CHRM3: variants seen among roughly 807,000 people sequenced by gnomAD.
The protein encoded by CHRM3 is cholinergic receptor muscarinic 3.
In CHRM3, 11 loss-of-function variants were observed where a neutral mutation model predicts 41.8. That is an observed-to-expected ratio of 0.26 (90% CI 0.17 to 0.44). The LOEUF is 0.44. Ranked by LOEUF, CHRM3 falls within the 20% of genes least tolerant of loss-of-function variation. The pLI is 1.00. For missense variants in CHRM3, 571 were observed against 745.4 expected (o/e 0.77, Z 2.72); for synonymous variants, 297 against 301.4 (o/e 0.99, Z 0.15).
chr1:239,644,100 T>C (rs575697123), intron 4 of CHRM3, among the ~76,000 whole-genome samples: 12 of 152,184 alleles, frequency 7.9e-5, no homozygotes, highest in Non-Finnish European at 1.5e-4. Context: ...GTAAGGCAAA[T>C]GATTTTGGAA....
intron 3 of CHRM3, among the ~76,000 whole-genome samples, chr1:239,578,297 T>G (rs1662560459): frequency 6.6e-6 from 1 of 152,176 alleles, no homozygotes; most frequent in Non-Finnish European, 1.5e-5. Flanking sequence ...TGGCACATTT[T>G]TGTATTTTAT....
intron 1 of CHRM3, among the ~76,000 whole-genome samples, chr1:239,444,605 C>G (rs1375919133): frequency 6.6e-6 from 1 of 151,794 alleles, no homozygotes; most frequent in Non-Finnish European, 1.5e-5. Flanking sequence ...GGAAGGGAAC[C>G]TGGGGAGGGG....
chr1:239,910,906 T>C lies in CHRM3; in HGVS notation c.*1682T>C, dbSNP rs1306177808. ...AAGTGTACTCAGTGGTGTCTGTGTA[T>C]CTGAACTATTTAATTTCGTGTTATG... is the stretch of plus-strand genomic sequence containing the variant. On this transcript the variant is annotated 3_prime_UTR_variant, in exon 7 of 7. Transcript: ENST00000676153. 1 of 167,068 alleles carries C rather than the reference T, an allele frequency of 6.0e-6. No homozygotes were observed. The highest frequency in any genetic ancestry group is 1.5e-5 in the Non-Finnish European group (1 of 68,122). 10.3% of individuals were successfully genotyped at this position (167,068 alleles called of 1,614,324 possible). A position where few individuals can be genotyped will look rare whatever the true frequency, so the allele number is the denominator to read the frequency against.
At chr1:239,862,877 A>G (rs1315809695) in intron 6 of CHRM3, among the ~76,000 whole-genome samples, 1 of 152,226 alleles carries the variant, frequency 6.6e-6, no homozygotes, top group Non-Finnish European at 1.5e-5. Flanking sequence ...AAACAATTAC[A>G]GTAGTTTTCT....
At chr1:239,456,478 C>T (rs1664943848) in intron 1 of CHRM3, among the ~76,000 whole-genome samples, 1 of 152,148 alleles carries the variant, frequency 6.6e-6, no homozygotes, top group African/African-American at 2.4e-5. Flanking sequence ...ACCATATAGC[C>T]TCAGTGTGTA....
At chr1:239,423,836 A>C (rs1171499128) in intron 1 of CHRM3, among the ~76,000 whole-genome samples, 1 of 152,056 alleles carries the variant, frequency 6.6e-6, no homozygotes, top group Non-Finnish European at 1.5e-5. Context: ...CGGGTGGATC[A>C]CGAGGTCAGG....
chr1:239,392,534 GAT>G (rs1558186087), intron 1 of CHRM3, among the ~76,000 whole-genome samples: 1 of 152,132 alleles, frequency 6.6e-6, no homozygotes, highest in African/African-American at 2.4e-5. Context: ...GTTCAGGCAG[GAT>G]ATCCGCCGAC....
chr1:239,647,080 T>A (rs1477482802), intron 4 of CHRM3, among the ~76,000 whole-genome samples: 1 of 152,238 alleles, frequency 6.6e-6, no homozygotes, highest in Non-Finnish European at 1.5e-5. Context: ...TTTGATTATT[T>A]GTCTTTCATA....
chr1:239,467,082 T>G (rs1364857876), intron 1 of CHRM3, among the ~76,000 whole-genome samples: 1 of 152,118 alleles, frequency 6.6e-6, no homozygotes, highest in Admixed American at 6.6e-5. Context: ...TATACTAAAT[T>G]TTTCTCTGGT....
At chr1:239,724,299 G>T (rs1663238614) in intron 5 of CHRM3, among the ~76,000 whole-genome samples, 1 of 151,906 alleles carries the variant, frequency 6.6e-6, no homozygotes, top group African/African-American at 2.4e-5. Context: ...TCATGGCAAA[G>T]CCCAAAACAG....
chr1:239,715,748 A>G (rs906882670), intron 5 of CHRM3, among the ~76,000 whole-genome samples: 3 of 152,154 alleles, frequency 2.0e-5, no homozygotes, highest in African/African-American at 7.2e-5. Flanking sequence ...TTAGGCTGGA[A>G]TCAGTTCATA....
At chr1:239,477,580 C>T (rs1341133410) in intron 1 of CHRM3, among the ~76,000 whole-genome samples, 1 of 152,144 alleles carries the variant, frequency 6.6e-6, no homozygotes, top group African/African-American at 2.4e-5. Context: ...CTTTAAATAT[C>T]TACATGACAG....
intron 5 of CHRM3, among the ~76,000 whole-genome samples, chr1:239,755,393 T>A (rs1008193294): frequency 5.9e-5 from 9 of 152,130 alleles, no homozygotes; most frequent in African/African-American, 1.9e-4. Context: ...AGCAATAAAG[T>A]TCCTGATTTT....
chr1:239,703,296 T>C (rs573723000), intron 5 of CHRM3: 1 of 152,330 alleles, frequency 6.6e-6, no homozygotes, highest in Admixed American at 6.5e-5. Flanking sequence ...GCTGTGTCTG[T>C]GGACAAAAAA....
intron 1 of CHRM3, among the ~76,000 whole-genome samples, chr1:239,470,838 C>T (rs1396795671): frequency 3.9e-5 from 6 of 152,146 alleles, no homozygotes; most frequent in Non-Finnish European, 7.4e-5. Context: ...ATTGCACCTT[C>T]CCAATAAAGT....
At chr1:239,739,869 G>A (rs1291404954) in intron 5 of CHRM3, among the ~76,000 whole-genome samples, 1 of 152,108 alleles carries the variant, frequency 6.6e-6, no homozygotes, top group Non-Finnish European at 1.5e-5. Flanking sequence ...CACATCTGGA[G>A]GCCAGTTGAC....
intron 4 of CHRM3, among the ~76,000 whole-genome samples, chr1:239,658,918 TA>T (rs777899934): frequency 1.3e-5 from 2 of 152,086 alleles, no homozygotes; most frequent in Non-Finnish European, 2.9e-5. Flanking sequence ...TTTGTATTTT[TA>T]GTAGAGACGG....
intron 3 of CHRM3, among the ~76,000 whole-genome samples, chr1:239,547,900 TA>T (rs1283992821): frequency 6.6e-6 from 1 of 152,152 alleles, no homozygotes; most frequent in Non-Finnish European, 1.5e-5. Flanking sequence ...AGTGGTTTAT[TA>T]GGCCGATCAA....
chr1:239,521,662 T>C (rs138690404), intron 2 of CHRM3, among the ~76,000 whole-genome samples: 83 of 152,334 alleles, frequency 5.4e-4, no homozygotes, highest in African/African-American at 1.9e-3. Context: ...TTTCATTGCA[T>C]AATTGGATGT....
Sources: gnomAD v4.1 joint callset for allele counts (sites outside exome capture counted in the v4.1 genomes callset) on GRCh38, gnomAD v4.1.1 for gene constraint, MANE v1.5 for transcripts, NCBI Gene and HGNC (gene_info 2026-07-23, HGNC 2026-07-21) for gene names.